The following ZMYND8 variants were observed in gnomAD, a reference collection of about 807,000 sequenced individuals.
ZMYND8 encodes the protein zinc finger MYND-type containing 8.
ZMYND8 carries 37 observed loss-of-function variants against 140.8 expected under a neutral mutation model. The ratio of observed to expected loss-of-function variants is 0.26; its 90% CI spans 0.20 to 0.35. The LOEUF is 0.35. Among genes scored for constraint, ZMYND8 ranks in the 10% least tolerant of loss-of-function variants. The probability of loss-of-function intolerance (pLI) is 1.00; values close to 1 mark genes in which losing one functional copy is unlikely to be tolerated. For missense variants in ZMYND8, 1,068 were observed against 1,570.0 expected (o/e 0.68, Z 5.40); for synonymous variants, 592 against 597.1 (o/e 0.99, Z 0.12).
intron 11 of ZMYND8, among the ~76,000 whole-genome samples, chr20:47,267,070 A>G (rs1326981752): frequency 6.6e-6 from 1 of 152,212 alleles, no homozygotes; most frequent in East Asian, 1.9e-4. Context: ...CATAAAAGGA[A>G]TGAAGTTCTG....
At chr20:47,213,191 TGAG>T (rs1213598232) in intron 21 of ZMYND8, among the ~76,000 whole-genome samples, 2 of 152,000 alleles carry the variant, frequency 1.3e-5, no homozygotes, top group Admixed American at 6.6e-5. Flanking sequence ...GCACACGTGA[TGAG>T]GAGGACTAAG....
chr20:47,257,062 T>C (rs2074789088), intron 12 of ZMYND8, among the ~76,000 whole-genome samples: 1 of 152,146 alleles, frequency 6.6e-6, no homozygotes, highest in African/African-American at 2.4e-5. Flanking sequence ...CAGAAACTCA[T>C]TCCTATTTAT....
chr20:47,221,270 C>A (rs2036897267), intron 20 of ZMYND8, 44 bp downstream of exon 20: 1 of 1,606,224 alleles, frequency 6.2e-7, no homozygotes, highest in African/African-American at 1.3e-5. Flanking sequence ...CCACTTGGCA[C>A]AAAGGGTAGA....
At chr20:47,232,895 TTGTTTTTTTTG>T (rs1478365851) in intron 16 of ZMYND8, among the ~76,000 whole-genome samples, 2 of 62,846 alleles carry the variant, frequency 3.2e-5, no homozygotes, top group African/African-American at 1.4e-4. Flanking sequence ...ATGTTTTTTT[TTGTTTTTTTTG>T]TTTTTTTTTT....
intron 22 of ZMYND8, among the ~76,000 whole-genome samples, chr20:47,212,013 C>T (rs993903048): frequency 2.0e-5 from 3 of 152,188 alleles, no homozygotes; most frequent in African/African-American, 7.2e-5. Flanking sequence ...GTAGGCAGAG[C>T]TGGGGGCAAG....
At chr20:47,306,623 T>C (rs904603449) in intron 3 of ZMYND8, among the ~76,000 whole-genome samples, 1 of 148,714 alleles carries the variant, frequency 6.7e-6, no homozygotes, top group Non-Finnish European at 1.5e-5. Context: ...CAGGCTGCAG[T>C]GTGGTGACAC....
chr20:47,319,284 A>G (rs1007694481), intron 2 of ZMYND8: 4 of 328,106 alleles, frequency 1.2e-5, no homozygotes, highest in Non-Finnish European at 2.4e-5. Context: ...TCTCCGGTGC[A>G]GTGCACCGAA....
chr20:47,271,865 T>A (rs1355996622), intron 11 of ZMYND8, among the ~76,000 whole-genome samples: 2 of 152,076 alleles, frequency 1.3e-5, no homozygotes, highest in African/African-American at 2.4e-5. Context: ...GTATTTTTAG[T>A]AGAGACGGGG....
chr20:47,295,703 A>G (rs1414469359), intron 4 of ZMYND8, among the ~76,000 whole-genome samples: 4 of 152,238 alleles, frequency 2.6e-5, no homozygotes, highest in Non-Finnish European at 5.9e-5. Context: ...CTAACTGTCT[A>G]TCTCCATGGG....
intron 2 of ZMYND8, among the ~76,000 whole-genome samples, chr20:47,330,966 A>G (rs2080887700): frequency 6.6e-6 from 1 of 152,240 alleles, no homozygotes; most frequent in Non-Finnish European, 1.5e-5. Context: ...AAGGAGAGGA[A>G]GGCAAGGAGG....
intron 2 of ZMYND8, among the ~76,000 whole-genome samples, chr20:47,310,593 C>G (rs1175429565): frequency 6.6e-6 from 1 of 151,950 alleles, no homozygotes; most frequent in East Asian, 1.9e-4. Context: ...GTCAAGAGTT[C>G]AAGACCAGCC....
At chr20:47,233,066 C>G (rs907186308) in intron 16 of ZMYND8, among the ~76,000 whole-genome samples, 1 of 151,826 alleles carries the variant, frequency 6.6e-6, no homozygotes, top group African/African-American at 2.4e-5. Flanking sequence ...GCTACCACAC[C>G]GGGCCAATTT....
In ZMYND8 at chr20:47,257,854, G is replaced by A. The variant is rs1002525205; in HGVS notation, c.1621+4434C>T. ...GTTTGTCTGGCCCAAATAGAGTTTT[G>A]GGGTTTTGTTTTTGTTTTTGTACCA... is the stretch of plus-strand genomic sequence containing the variant. On this transcript the variant is annotated intron_variant, in intron 12 of 22. Transcript: ENST00000471951. 2.0e-4 allele frequency among the ~76,000 whole-genome samples: 31 copies of A among 152,104 alleles called. 1 individual carries two copies. The highest frequency in any genetic ancestry group is 6.5e-4 in the African/African-American group (27 of 41,492).
At chr20:47,318,321 C>A (rs1197829088) in intron 2 of ZMYND8, among the ~76,000 whole-genome samples, 16 of 152,160 alleles carry the variant, frequency 1.1e-4, no homozygotes, top group Non-Finnish European at 1.5e-5. Context: ...TCAAACATGA[C>A]CACACACTGC....
At chr20:47,334,100 T>A (rs2081196552) in intron 2 of ZMYND8, among the ~76,000 whole-genome samples, 1 of 152,314 alleles carries the variant, frequency 6.6e-6, no homozygotes, top group Non-Finnish European at 1.5e-5. Context: ...TATAATAGTG[T>A]TGACTCTCTC....
chr20:47,296,927 C>T (rs1002133095), intron 4 of ZMYND8, among the ~76,000 whole-genome samples: 2 of 152,082 alleles, frequency 1.3e-5, no homozygotes, highest in East Asian at 1.9e-4. Flanking sequence ...TGCACTCCAG[C>T]CTGGGCAACA....
intron 1 of ZMYND8, chr20:47,355,535 A>C: frequency 1.0e-6 from 1 of 983,548 alleles, no homozygotes; most frequent in Non-Finnish European, 1.2e-6. Flanking sequence ...ATCAAAAAGG[A>C]AATTTTTTTA....
chr20:47,314,645 G>C (rs1242215440), intron 2 of ZMYND8, among the ~76,000 whole-genome samples: 1 of 152,232 alleles, frequency 6.6e-6, no homozygotes, highest in Non-Finnish European at 1.5e-5. Context: ...GAACGCTAGG[G>C]TATGTGTATG....
At chr20:47,275,208 T>C (rs1258447228) in intron 11 of ZMYND8, among the ~76,000 whole-genome samples, 1 of 152,206 alleles carries the variant, frequency 6.6e-6, no homozygotes, top group East Asian at 1.9e-4. Context: ...ACTCAGACTT[T>C]GGGCCAGGCC....
Sources: allele counts gnomAD v4.1 joint callset (sites outside exome capture counted in the v4.1 genomes callset), GRCh38; gene constraint gnomAD v4.1.1; transcripts MANE v1.5; gene names NCBI Gene and HGNC (gene_info 2026-07-23, HGNC 2026-07-21).